MYO5B: variants seen among roughly 807,000 people sequenced by gnomAD.
MYO5B encodes unconventional myosin-Vb.
In MYO5B, 143 loss-of-function variants were observed where a neutral mutation model predicts 229.3. The observed-to-expected ratio is 0.62, with a 90% CI of 0.54 to 0.72. The LOEUF (loss-of-function observed/expected upper bound fraction) is 0.72. MYO5B is among the 30% of genes least tolerant of loss of function. The probability of loss-of-function intolerance (pLI) is 0.00; values close to 1 mark genes in which losing one functional copy is unlikely to be tolerated. For synonymous variants in MYO5B, 918 were observed against 885.2 expected (o/e 1.04, Z -0.66); for missense variants, 2,321 against 2,331.0 (o/e 1.00, Z 0.09).
In MYO5B at chr18:50,096,898, G is replaced by T. The variant is rs775972312; in HGVS notation, c.28-41520C>A. Among the ~76,000 whole-genome samples the T allele has an allele frequency of 2.0e-5, 3 of 152,164 alleles. No individual in the cohort carries two copies. In the East Asian group the frequency reaches 5.8e-4, roughly 29 times the overall value. ...CAATATACCCCTACCTTCAGACAACGTCTGCTCCCAGCTCCTGCGGGAGAC... is the reference window on the plus strand; with the variant it reads ...CAATATACCCCTACCTTCAGACAACTTCTGCTCCCAGCTCCTGCGGGAGAC... On this transcript the variant is annotated intron_variant, in intron 1 of 39. Coordinates refer to ENST00000285039, the MANE Select transcript of MYO5B (RefSeq NM_001080467.3).
At chr18:50,103,970 G>A (rs1240264010) in intron 1 of MYO5B, among the ~76,000 whole-genome samples, 4 of 147,588 alleles carry the variant, frequency 2.7e-5, no homozygotes, top group African/African-American at 1.0e-4. Flanking sequence ...TATCAGTTTT[G>A]AGGCAACACA....
chr18:49,880,590 G>T, intron 22 of MYO5B, 135 bp from the exon 23 acceptor site: 1 of 765,530 alleles, frequency 1.3e-6, no homozygotes, highest in South Asian at 1.4e-5. Context: ...AGCTTCTTTT[G>T]TTTTCAAGGA....
At chr18:49,976,319 A>G (rs1321843760) in intron 9 of MYO5B, among the ~76,000 whole-genome samples, 1 of 152,218 alleles carries the variant, frequency 6.6e-6, no homozygotes. Context: ...CCTCCTACAT[A>G]TATTTAAAAT....
rs1381782487 is a variant in MYO5B at position 49,990,224 on chromosome 18, C to T, written c.838+215G>A. On this transcript the variant is annotated intron_variant, in intron 7 of 39. Transcript: ENST00000285039. ...CACTTTTCCACCCCTGCCTCTTATC[C>T]TCTCATACACTTCCTGTGCCAGGTG... Among the ~76,000 whole-genome samples the T allele has an allele frequency of 2.6e-5, 4 of 152,204 alleles. No homozygotes were observed. The East Asian group carries it at 7.7e-4, about 29-fold the overall frequency.
chr18:50,150,482 A>G (rs1314767191), intron 1 of MYO5B, among the ~76,000 whole-genome samples: 7 of 147,838 alleles, frequency 4.7e-5, no homozygotes, highest in African/African-American at 1.7e-4. Flanking sequence ...GCACATATAC[A>G]CCATGGAATA....
At chr18:50,035,974 C>A (rs924042100) in intron 4 of MYO5B, among the ~76,000 whole-genome samples, 4 of 151,978 alleles carry the variant, frequency 2.6e-5, no homozygotes, top group African/African-American at 9.7e-5. Context: ...AAAATGATAC[C>A]CTGAAATCCA....
At chr18:49,944,148 G>A (rs1026713256) in intron 14 of MYO5B, among the ~76,000 whole-genome samples, 8 of 152,138 alleles carry the variant, frequency 5.3e-5, no homozygotes, top group South Asian at 2.1e-4. Context: ...TATTGAGCAC[G>A]TTGACTATGC....
intron 1 of MYO5B, among the ~76,000 whole-genome samples, chr18:50,078,714 C>T (rs566033744): frequency 6.6e-6 from 1 of 152,282 alleles, no homozygotes; most frequent in African/African-American, 2.4e-5. Flanking sequence ...CCACCACACC[C>T]ATGACATAGC....
At chr18:49,958,447 C>G (rs1012628122) in intron 12 of MYO5B, among the ~76,000 whole-genome samples, 3 of 152,212 alleles carry the variant, frequency 2.0e-5, no homozygotes, top group Non-Finnish European at 4.4e-5. Flanking sequence ...TCTCTTCCTT[C>G]ATGGGGAAAT....
intron 29 of MYO5B, among the ~76,000 whole-genome samples, chr18:49,859,097 C>T (rs949525551): frequency 6.6e-6 from 1 of 152,182 alleles, no homozygotes; most frequent in African/African-American, 2.4e-5. Context: ...CAGTGAGGCT[C>T]GGCATCCAGG....
At chr18:49,999,157 T>C (rs938667450) in intron 5 of MYO5B, among the ~76,000 whole-genome samples, 5 of 152,230 alleles carry the variant, frequency 3.3e-5, no homozygotes, top group Non-Finnish European at 7.3e-5. Flanking sequence ...TGTCTTTCGT[T>C]TTGCTCAGAA....
In MYO5B at chr18:50,023,593, T is replaced by C. The variant is rs116393175; in HGVS notation, c.455+13257A>G. ...TGTGAGATACTTAGAAAAATTGAAA[T>C]ATATTCTGAGAAAGTCAATCAGAAT... On this transcript the variant is annotated intron_variant, in intron 4 of 39. Coordinates refer to ENST00000285039, the MANE Select transcript of MYO5B (RefSeq NM_001080467.3). Among the ~76,000 whole-genome samples, 1,394 of 152,220 alleles carry C rather than the reference T, an allele frequency of 9.2e-3. 17 individuals are homozygous for C. Among genetic ancestry groups the C allele is most frequent in the African/African-American group, 0.031 (1,291 of 41,524 alleles).
rs546449305 is a variant in MYO5B, at chr18:50,000,650, G to A, written c.612+605C>T. 7.2e-5 allele frequency among the ~76,000 whole-genome samples: 11 copies of A among 152,272 alleles called. No homozygotes were observed. In the East Asian group the frequency reaches 2.1e-3, roughly 29 times the overall value. On this transcript the variant is annotated intron_variant, in intron 5 of 39. Coordinates refer to ENST00000285039, the MANE Select transcript of MYO5B (RefSeq NM_001080467.3). ...CCTGTAGTTGTGTCAACTGCTCTGAGCCCACCCTAGTCCAGCCCCTATCAT... is the reference window on the plus strand; with the variant it reads ...CCTGTAGTTGTGTCAACTGCTCTGAACCCACCCTAGTCCAGCCCCTATCAT...
chr18:50,004,950 G>A (rs923763227), intron 4 of MYO5B, among the ~76,000 whole-genome samples: 1 of 152,182 alleles, frequency 6.6e-6, no homozygotes, highest in African/African-American at 2.4e-5. Context: ...CTGATTAGCT[G>A]TCTGACTTTG....
intron 9 of MYO5B, among the ~76,000 whole-genome samples, chr18:49,978,841 G>A (rs2025783494): frequency 6.6e-6 from 1 of 151,980 alleles, no homozygotes; most frequent in African/African-American, 2.4e-5. Flanking sequence ...GCGGGCTGGA[G>A]GTCCACAGAC....
intron 10 of MYO5B, among the ~76,000 whole-genome samples, chr18:49,971,309 T>A (rs1195777948): frequency 2.6e-5 from 4 of 151,906 alleles, no homozygotes; most frequent in Non-Finnish European, 5.9e-5. Flanking sequence ...AACCAAGAAA[T>A]GACCACATTA....
intron 1 of MYO5B, among the ~76,000 whole-genome samples, chr18:50,152,864 T>TAAAAAAA (rs67858852): frequency 8.0e-6 from 1 of 125,440 alleles, no homozygotes; most frequent in African/African-American, 3.0e-5. Context: ...TTCTCAAAAC[T>TAAAAAAA]AAAAAAAAAA....
intron 31 of MYO5B, chr18:49,850,061 G>A: frequency 3.0e-6 from 1 of 329,476 alleles, no homozygotes. Context: ...CAGGGGGCAG[G>A]GAGGTTGGAA....
At chr18:49,844,045 C>T (rs532268406) in intron 33 of MYO5B, among the ~76,000 whole-genome samples, 1 of 152,320 alleles carries the variant, frequency 6.6e-6, no homozygotes, top group East Asian at 1.9e-4. Context: ...TCTTACTTCC[C>T]CCAACTGCTC....
Sources: gnomAD v4.1 joint callset for allele counts (sites outside exome capture counted in the v4.1 genomes callset) on GRCh38, gnomAD v4.1.1 for gene constraint, MANE v1.5 for transcripts, NCBI Gene and HGNC (gene_info 2026-07-23, HGNC 2026-07-21) for gene names.